Variants in MYO16 observed in about 807,000 individuals in gnomAD.
The protein encoded by MYO16 is myosin XVI.
A neutral mutation model predicts 205.3 loss-of-function variants in MYO16; 94 were observed. The observed-to-expected ratio is 0.46, with a 90% CI of 0.39 to 0.54. The LOEUF (loss-of-function observed/expected upper bound fraction) is 0.54, where lower values mean the gene tolerates loss of function less well. MYO16 is among the 20% of genes least tolerant of loss of function. MYO16 has a pLI of 0.00. For missense variants in MYO16, 2,315 were observed against 2,387.5 expected (o/e 0.97, Z 0.63); for synonymous variants, 988 against 954.0 (o/e 1.04, Z -0.66).
chr13:108,663,372 G>A (rs1194841743), intron 1 of MYO16, among the ~76,000 whole-genome samples: 1 of 151,554 alleles, frequency 6.6e-6, no homozygotes, highest in Admixed American at 6.6e-5. Context: ...AGACATATAC[G>A]TACATGACAC....
chr13:109,109,129 G>A (rs1199649362), intron 28 of MYO16, among the ~76,000 whole-genome samples: 1 of 152,136 alleles, frequency 6.6e-6, no homozygotes, highest in Non-Finnish European at 1.5e-5. Context: ...TACTGAAAGA[G>A]GGGTGTTTGT....
intron 32 of MYO16, among the ~76,000 whole-genome samples, chr13:109,156,658 CTT>C (rs1256678792): frequency 6.6e-6 from 1 of 152,150 alleles, no homozygotes; most frequent in Non-Finnish European, 1.5e-5. Flanking sequence ...TCCATGGCTC[CTT>C]TCTCTCCCCT....
intron 2 of MYO16, among the ~76,000 whole-genome samples, chr13:108,671,906 C>G (rs1392406376): frequency 6.6e-6 from 1 of 152,098 alleles, no homozygotes; most frequent in Non-Finnish European, 1.5e-5. Flanking sequence ...GCTACAACTC[C>G]TAATACCATC....
chr13:108,735,658 A>G (rs1884672175), intron 4 of MYO16, among the ~76,000 whole-genome samples: 1 of 150,920 alleles, frequency 6.6e-6, no homozygotes, highest in African/African-American at 2.4e-5. Flanking sequence ...GTATATACCC[A>G]GTAATGGTAT....
chr13:108,795,599 G>A (rs1040910758), intron 6 of MYO16, among the ~76,000 whole-genome samples: 7 of 152,200 alleles, frequency 4.6e-5, no homozygotes, highest in South Asian at 4.2e-4. Flanking sequence ...CTATAACAAC[G>A]TAACTCTGTC....
chr13:108,563,573 T>C, the MYO16 span, among the ~76,000 whole-genome samples: 2 of 152,178 alleles, frequency 1.3e-5, no homozygotes, highest in Non-Finnish European at 2.9e-5. Context: ...ATTCCACAAA[T>C]CAGTTAGAAC....
chr13:108,814,492 G>A (rs1162510524), intron 7 of MYO16, among the ~76,000 whole-genome samples: 2 of 151,232 alleles, frequency 1.3e-5, no homozygotes, highest in Non-Finnish European at 2.9e-5. Flanking sequence ...AAAATGCCTC[G>A]AATCTTTAAT....
At chr13:108,532,724 G>A in the MYO16 span, among the ~76,000 whole-genome samples, 1 of 151,996 alleles carries the variant, frequency 6.6e-6, no homozygotes, top group African/African-American at 2.4e-5. Flanking sequence ...CTGGGAGGTC[G>A]AGACTGCAGT....
intron 16 of MYO16, among the ~76,000 whole-genome samples, chr13:108,957,255 G>A (rs535015858): frequency 2.6e-5 from 4 of 151,794 alleles, no homozygotes; most frequent in African/African-American, 7.3e-5. Flanking sequence ...GTGGTGGCAC[G>A]CACCTGTAAT....
In MYO16 at chr13:108,787,814, A is replaced by T. The variant is rs539790737; in HGVS notation, c.616+2071A>T. On this transcript the variant is annotated intron_variant, in intron 5 of 34. Coordinates refer to ENST00000457511, the MANE Select transcript of MYO16 (RefSeq NM_001198950.3). ...AATTCTGTTTGCCATTTGTCACTGC[A>T]GTCGCTCTGGCCCATGCCTTCACAT... Among the ~76,000 whole-genome samples, 4 of 152,366 alleles carry T rather than the reference A, an allele frequency of 2.6e-5. No homozygotes were observed. The South Asian group carries it at 8.3e-4, about 32-fold the overall frequency.
intron 6 of MYO16, among the ~76,000 whole-genome samples, chr13:108,799,585 A>C (rs1886907944): frequency 6.6e-6 from 1 of 152,164 alleles, no homozygotes; most frequent in Admixed American, 6.5e-5. Context: ...CTCATTGTTG[A>C]AGAATTTGCT....
In MYO16 at chr13:109,009,056, A is replaced by T; in HGVS notation, c.2595+7A>T. On this transcript the variant is annotated splice_region_variant and intron_variant, in intron 22 of 34. Coordinates refer to ENST00000457511, the MANE Select transcript of MYO16 (RefSeq NM_001198950.3). ...TTTGGACTTTTTTTTCCAGGTATTC[A>T]TATAATATAATTAGATACTTAACAG... 6.4e-7 allele frequency: 1 copy of T among 1,574,254 alleles called. No homozygotes were observed. The highest frequency in any genetic ancestry group is 8.6e-7 in the Non-Finnish European group (1 of 1,163,018).
chr13:108,775,014 A>G (rs529544948), intron 4 of MYO16, among the ~76,000 whole-genome samples: 1 of 152,304 alleles, frequency 6.6e-6, no homozygotes, highest in African/African-American at 2.4e-5. Flanking sequence ...TTATGAAGTA[A>G]GTTTAGGCTT....
intron 1 of MYO16, among the ~76,000 whole-genome samples, chr13:108,642,287 G>A (rs562167296): frequency 1.2e-4 from 19 of 152,132 alleles, no homozygotes; most frequent in Non-Finnish European, 2.8e-4. Flanking sequence ...GTGAAAGGAC[G>A]TATTTTTTGA....
chr13:108,540,721 A>G, the MYO16 span, among the ~76,000 whole-genome samples: 4 of 152,124 alleles, frequency 2.6e-5, no homozygotes, highest in African/African-American at 7.2e-5. Flanking sequence ...CATATTCACC[A>G]TAACATGAGT....
At chr13:108,593,676 C>T (rs1244458493), upstream of MYO16, among the ~76,000 whole-genome samples, 2 of 152,134 alleles carry the variant, frequency 1.3e-5, no homozygotes, top group African/African-American at 2.4e-5. Context: ...ATACATTTAG[C>T]CCCAGGCTCT....
chr13:108,824,011 T>G (rs906094096), intron 9 of MYO16, among the ~76,000 whole-genome samples: 6 of 152,064 alleles, frequency 3.9e-5, no homozygotes, highest in African/African-American at 1.4e-4. Flanking sequence ...ATAAAACAGA[T>G]AGCAAACATT....
intron 9 of MYO16, among the ~76,000 whole-genome samples, chr13:108,842,204 A>C (rs560542425): frequency 1.3e-4 from 20 of 152,294 alleles, no homozygotes; most frequent in Non-Finnish European, 2.4e-4. Context: ...TGACAAAAGA[A>C]AAAATAAGTC....
At chr13:108,823,357 C>G (rs1876086890) in intron 9 of MYO16, 79 bp downstream of exon 9, 3 of 1,349,906 alleles carry the variant, frequency 2.2e-6, no homozygotes, top group Middle Eastern at 1.9e-4. Context: ...AAGTCTGACT[C>G]TCAGCCAAAG....
Sources: allele counts gnomAD v4.1 joint callset (sites outside exome capture counted in the v4.1 genomes callset), GRCh38; gene constraint gnomAD v4.1.1; transcripts MANE v1.5; gene names NCBI Gene and HGNC (gene_info 2026-07-23, HGNC 2026-07-21).